METAP2: variants seen among roughly 807,000 people sequenced by gnomAD.
METAP2 encodes methionyl aminopeptidase 2, also known as methionine aminopeptidase 2.
METAP2 carries 25 observed loss-of-function variants against 59.4 expected under a neutral mutation model. The observed-to-expected ratio is 0.42, with a 90% CI of 0.31 to 0.59. METAP2 has a LOEUF of 0.59. Among genes scored for constraint, METAP2 ranks in the 20% least tolerant of loss-of-function variants. The probability of loss-of-function intolerance (pLI) is 0.16; values close to 1 mark genes in which losing one functional copy is unlikely to be tolerated. For synonymous variants in METAP2, 214 were observed against 194.1 expected (o/e 1.10, Z -0.85); for missense variants, 366 against 581.2 (o/e 0.63, Z 3.81).
At chr12:95,482,334 A>G in intron 2 of METAP2, 1 of 314,612 alleles carries the variant, frequency 3.2e-6, no homozygotes, top group South Asian at 2.5e-5. Flanking sequence ...ACTGGTCTCA[A>G]ACTCCTGGGC....
At chr12:95,505,464 A>G (rs1448979035) in intron 8 of METAP2, among the ~76,000 whole-genome samples, 1 of 151,346 alleles carries the variant, frequency 6.6e-6, no homozygotes, top group Non-Finnish European at 1.5e-5. Context: ...AGCTGGGATT[A>G]CAGGTGCCCA....
At chr12:95,501,900 C>T (rs1161731782) in intron 7 of METAP2, among the ~76,000 whole-genome samples, 1 of 150,350 alleles carries the variant, frequency 6.7e-6, no homozygotes, top group Admixed American at 6.6e-5. Context: ...CAGGGCATTT[C>T]TTGAGCACTT....
chr12:95,477,097 ACTCT>A (rs747375239), intron 2 of METAP2, among the ~76,000 whole-genome samples: 5 of 147,536 alleles, frequency 3.4e-5, no homozygotes, highest in Admixed American at 6.8e-5. Flanking sequence ...TGTTCCTTTT[ACTCT>A]CTATTTTTTT....
At chr12:95,478,204 G>T (rs963985986) in intron 2 of METAP2, among the ~76,000 whole-genome samples, 19 of 152,178 alleles carry the variant, frequency 1.2e-4, no homozygotes, top group Non-Finnish European at 1.9e-4. Context: ...CATCAGGTTG[G>T]AAATCTTCAA....
chr12:95,512,048 C>T (rs2076406797), intron 9 of METAP2, 50 bp downstream of exon 9: 3 of 1,329,034 alleles, frequency 2.3e-6, no homozygotes, highest in Non-Finnish European at 3.2e-6. Flanking sequence ...TTTTTTCTTC[C>T]AAGCAGAAGG....
At chr12:95,509,205 A>G (rs1189327287) in intron 8 of METAP2, among the ~76,000 whole-genome samples, 2 of 152,192 alleles carry the variant, frequency 1.3e-5, no homozygotes, top group African/African-American at 4.8e-5. Context: ...ATGGCTAAGA[A>G]ACTTTCTTTA....
intron 4 of METAP2, among the ~76,000 whole-genome samples, chr12:95,491,802 A>G (rs1181270915): frequency 4.0e-5 from 6 of 148,480 alleles, no homozygotes; most frequent in Admixed American, 4.0e-4. Flanking sequence ...GTGAGCGACC[A>G]TGCCTGGTCA....
rs201994257 is a variant in METAP2, at chr12:95,514,286, T to G, written c.*382T>G. 2.4e-5 allele frequency: 4 copies of G among 170,088 alleles called. No homozygotes were observed. The highest frequency in any genetic ancestry group is 3.7e-5 in the Non-Finnish European group (3 of 80,208). The allele number at this position is 170,088 out of a possible 1,614,324, so 10.5% of individuals were successfully genotyped here. ...GTTCTGCACCTATACCCTCTGGTGTTGCTTTTTAACCTTCCTGGAATCCAT... is the reference window on the plus strand; with the variant it reads ...GTTCTGCACCTATACCCTCTGGTGTGGCTTTTTAACCTTCCTGGAATCCAT... On this transcript the variant is annotated 3_prime_UTR_variant, in exon 11 of 11. Coordinates refer to ENST00000323666, the MANE Select transcript of METAP2 (RefSeq NM_006838.4).
intron 2 of METAP2, 81 bp downstream of exon 2, chr12:95,476,259 C>A: frequency 1.2e-6 from 1 of 869,318 alleles, no homozygotes; most frequent in Non-Finnish European, 1.8e-6. Flanking sequence ...GTAATCCCAG[C>A]ACTTTGGGAG....
intron 2 of METAP2, among the ~76,000 whole-genome samples, chr12:95,477,886 T>C (rs928299701): frequency 4.6e-4 from 70 of 152,362 alleles, no homozygotes; most frequent in Admixed American, 2.2e-3. Context: ...CTGTTCTACA[T>C]TGGCTTATGC....
chr12:95,508,075 C>G (rs1359564049), intron 8 of METAP2, among the ~76,000 whole-genome samples: 1 of 151,938 alleles, frequency 6.6e-6, no homozygotes, highest in African/African-American at 2.4e-5. Context: ...GGCACCGCAC[C>G]CAGCCGATTC....
chr12:95,498,087 C>T (rs949387398), intron 7 of METAP2, among the ~76,000 whole-genome samples: 2 of 151,110 alleles, frequency 1.3e-5, no homozygotes, highest in African/African-American at 2.4e-5. Flanking sequence ...GAGCCGAGAT[C>T]GCCCCACTGC....
At chr12:95,501,783 A>G (rs1390058947) in intron 7 of METAP2, among the ~76,000 whole-genome samples, 2 of 151,522 alleles carry the variant, frequency 1.3e-5, no homozygotes, top group East Asian at 3.8e-4. Flanking sequence ...GTGTTTGCAG[A>G]CTATTGTTAG....
chr12:95,501,297 A>G (rs1053799716), intron 7 of METAP2, among the ~76,000 whole-genome samples: 40 of 152,250 alleles, frequency 2.6e-4, no homozygotes, highest in African/African-American at 8.4e-4. Context: ...CAAAGTGTTG[A>G]GATTACAGGC....
intron 4 of METAP2, among the ~76,000 whole-genome samples, chr12:95,489,225 A>C (rs2076219868): frequency 6.6e-6 from 1 of 152,132 alleles, no homozygotes; most frequent in Non-Finnish European, 1.5e-5. Flanking sequence ...AATGTTATGG[A>C]ACACTTGAAG....
At position 95,504,086 on chromosome 12, in the gene METAP2, C is replaced by G; in HGVS notation, c.889C>G (p.Leu297Val). 6.2e-7 allele frequency: 1 copy of G among 1,613,474 alleles called. No homozygotes were observed. Among genetic ancestry groups the G allele is most frequent in the Non-Finnish European group, 8.5e-7 (1 of 1,179,698 alleles). Residue 297 changes from leucine to valine, a missense_variant, in exon 8 of 11, where the codon CTG becomes GTG. By Grantham distance (32) the Leu-to-Val change is conservative. Around this residue, in one of 4 missense-constraint regions of METAP2, gnomAD observed 106 missense variants for 221.9 expected, o/e 0.48. Transcript: ENST00000323666. ...TTAGTGTGCTGGAATTGATGTTCGT[C>G]TGTGTGATGTTGGTGAGGCCATCCA... ...GIKCAGIDVRLCDVGEAIQEV... is the reference protein window; with the variant it reads ...GIKCAGIDVRVCDVGEAIQEV...
rs201310058 is a variant in METAP2, at chr12:95,494,933, G to A, written c.591-24G>A. 768 of 1,594,762 alleles carry A rather than the reference G, an allele frequency of 4.8e-4. 8 individuals carry two copies. The South Asian group carries it at 8.2e-3, about 17-fold the overall frequency. The stretch of plus-strand genomic sequence containing the variant: ...AAAGTAAGAATGTAAAAGTAAACAA[G>A]TTCCCTTTGCTTTTTTGTTTTAGTG... On this transcript the variant is annotated intron_variant, in intron 5 of 10. Transcript: ENST00000323666.
intron 1 of METAP2, among the ~76,000 whole-genome samples, chr12:95,474,945 C>T (rs972454257): frequency 1.6e-4 from 25 of 152,080 alleles, no homozygotes; most frequent in Admixed American, 1.0e-3. Context: ...CCCATAGCAT[C>T]GCCAAGCTTT....
chr12:95,481,967 A>G (rs1214805669), intron 2 of METAP2, among the ~76,000 whole-genome samples: 1 of 152,212 alleles, frequency 6.6e-6, no homozygotes, highest in African/African-American at 2.4e-5. Flanking sequence ...TAAGAGCCCA[A>G]CAAACATTTA....
Sources: allele counts gnomAD v4.1 joint callset (sites outside exome capture counted in the v4.1 genomes callset), GRCh38; gene constraint gnomAD v4.1.1; regional missense constraint gnomAD v4.1.1; transcripts MANE v1.5; gene names NCBI Gene and HGNC (gene_info 2026-07-23, HGNC 2026-07-21).